Variants in EYA2 observed in about 807,000 individuals in gnomAD.
EYA2 encodes protein phosphatase EYA2.
Under a neutral mutation model 69.2 loss-of-function variants are expected in EYA2, and 31 were observed. The ratio of observed to expected loss-of-function variants is 0.45; its 90% CI spans 0.34 to 0.60. The LOEUF (loss-of-function observed/expected upper bound fraction) is 0.60. Ranked by LOEUF, EYA2 falls within the 20% of genes least tolerant of loss-of-function variation. The probability of loss-of-function intolerance (pLI) is 0.02; values close to 1 mark genes in which losing one functional copy is unlikely to be tolerated. For missense variants in EYA2, 622 were observed against 701.2 expected (o/e 0.89, Z 1.28); for synonymous variants, 257 against 279.4 (o/e 0.92, Z 0.80).
chr20:47,147,908 A>G (rs2033735572), intron 10 of EYA2, among the ~76,000 whole-genome samples: 1 of 151,868 alleles, frequency 6.6e-6, no homozygotes, highest in Admixed American at 6.6e-5. Context: ...AAAATACAAA[A>G]ATTAGCCAGG....
intron 1 of EYA2, among the ~76,000 whole-genome samples, chr20:46,934,282 T>A (rs1985807523): frequency 6.6e-6 from 1 of 152,124 alleles, no homozygotes; most frequent in South Asian, 2.1e-4. Context: ...ATAGTCTCTC[T>A]CTCTCACCCC....
chr20:46,952,255 G>T (rs1290156201), intron 1 of EYA2, among the ~76,000 whole-genome samples: 1 of 152,062 alleles, frequency 6.6e-6, no homozygotes, highest in East Asian at 1.9e-4. Flanking sequence ...GAGCATGCTT[G>T]GTGGGGGATG....
chr20:46,911,109 A>G lies in EYA2; in HGVS notation c.-11+16122A>G, dbSNP rs534726189. Among the ~76,000 whole-genome samples, 4 of 152,340 alleles carry G rather than the reference A, an allele frequency of 2.6e-5. No homozygotes were observed. The East Asian group carries it at 7.7e-4, about 29-fold the overall frequency. On this transcript the variant is annotated intron_variant, in intron 1 of 15. Coordinates refer to ENST00000327619, the MANE Select transcript of EYA2 (RefSeq NM_005244.5). Reference sequence around the variant, plus strand: ...TTCCTATATCTAGATCTCCATTAGAAGTATGAAAATGAAGTGTAAACCAAG... The same window carrying G: ...TTCCTATATCTAGATCTCCATTAGAGGTATGAAAATGAAGTGTAAACCAAG...
chr20:47,182,895 C>T (rs146665369), intron 14 of EYA2, among the ~76,000 whole-genome samples: 1 of 152,096 alleles, frequency 6.6e-6, no homozygotes, highest in South Asian at 2.1e-4. Flanking sequence ...CGAGATGGCA[C>T]CACTGCACTC....
chr20:47,063,728 A>G (rs765092473), intron 5 of EYA2, among the ~76,000 whole-genome samples: 7 of 152,272 alleles, frequency 4.6e-5, no homozygotes, highest in Non-Finnish European at 1.0e-4. Flanking sequence ...CCAAGTCTTC[A>G]TTTACTTAAG....
At chr20:46,941,051 G>A (rs986501934) in intron 1 of EYA2, among the ~76,000 whole-genome samples, 14 of 152,250 alleles carry the variant, frequency 9.2e-5, no homozygotes, top group Admixed American at 5.2e-4. Flanking sequence ...CATCTTCCCA[G>A]AGCCCGAGCC....
chr20:47,186,495 G>A (rs1025679161), intron 15 of EYA2, among the ~76,000 whole-genome samples: 1 of 151,766 alleles, frequency 6.6e-6, no homozygotes, highest in Non-Finnish European at 1.5e-5. Context: ...AAGTAGCTGG[G>A]ATTACAGGTG....
chr20:47,169,135 A>T lies in EYA2; in HGVS notation c.979-4A>T, dbSNP rs773580250. 6.2e-7 allele frequency: 1 copy of T among 1,613,576 alleles called. No homozygotes were observed. The highest frequency in any genetic ancestry group is 2.2e-5 in the East Asian group (1 of 44,872). Reference sequence around the variant, plus strand: ...TCTCTCTCTCTCTGTCAAATTTTCCATAGGATTGTGACCAGATCCACGTTG... The same window carrying T: ...TCTCTCTCTCTCTGTCAAATTTTCCTTAGGATTGTGACCAGATCCACGTTG... On this transcript the variant is annotated splice_polypyrimidine_tract_variant and splice_region_variant and intron_variant, in intron 10 of 15. Transcript: ENST00000327619.
At chr20:46,933,672 C>T (rs1307818806) in intron 1 of EYA2, among the ~76,000 whole-genome samples, 2 of 152,164 alleles carry the variant, frequency 1.3e-5, no homozygotes, top group Non-Finnish European at 2.9e-5. Flanking sequence ...CGAGGGAGGC[C>T]GATGAGAAAT....
chr20:47,164,084 C>T (rs1051623605), intron 10 of EYA2, among the ~76,000 whole-genome samples: 4 of 152,150 alleles, frequency 2.6e-5, no homozygotes, highest in African/African-American at 9.7e-5. Flanking sequence ...CAAGTCTCCC[C>T]TCTGACTTAC....
chr20:47,185,128 C>G (rs563909883), intron 15 of EYA2, among the ~76,000 whole-genome samples: 1 of 152,094 alleles, frequency 6.6e-6, no homozygotes, highest in Non-Finnish European at 1.5e-5. Flanking sequence ...TTGTTAATAT[C>G]TCCATTTTAG....
intron 9 of EYA2, among the ~76,000 whole-genome samples, chr20:47,114,989 A>C (rs1263818983): frequency 6.6e-6 from 1 of 152,240 alleles, no homozygotes. Flanking sequence ...CAGCCTGCAG[A>C]ACTGTGAGCC....
chr20:47,153,749 G>T (rs564804354), intron 10 of EYA2, among the ~76,000 whole-genome samples: 137 of 152,068 alleles, frequency 9.0e-4, no homozygotes, highest in Middle Eastern at 3.4e-3. Flanking sequence ...GCTGTATCCG[G>T]GTGAGTGCCA....
intron 10 of EYA2, chr20:47,161,847 G>A (rs994051116): frequency 2.0e-5 from 3 of 153,252 alleles, no homozygotes; most frequent in Non-Finnish European, 4.4e-5. Flanking sequence ...TCTGAAAGGA[G>A]ATGGGTCCGG....
At chr20:46,977,791 C>G (rs189702941) in intron 1 of EYA2, among the ~76,000 whole-genome samples, 135 of 152,288 alleles carry the variant, frequency 8.9e-4, no homozygotes, top group Non-Finnish European at 1.8e-3. Flanking sequence ...CCCACAACTT[C>G]TATTCAATGA....
At chr20:47,035,620 TAGTC>T (rs1211420101) in intron 5 of EYA2, among the ~76,000 whole-genome samples, 2 of 152,144 alleles carry the variant, frequency 1.3e-5, no homozygotes, top group Non-Finnish European at 2.9e-5. Context: ...TGTATCCTAA[TAGTC>T]AGTGTTTGTC....
chr20:47,072,330 C>A, intron 6 of EYA2, 78 bp downstream of exon 6: 2 of 1,351,748 alleles, frequency 1.5e-6, no homozygotes, highest in South Asian at 1.2e-5. Flanking sequence ...CCCAGAGAGC[C>A]CACGACACAC....
intron 5 of EYA2, among the ~76,000 whole-genome samples, chr20:47,055,640 C>T (rs753287525): frequency 6.6e-6 from 1 of 152,198 alleles, no homozygotes; most frequent in Non-Finnish European, 1.5e-5. Flanking sequence ...ATCCTTACCC[C>T]TCAGGGTCTT....
chr20:47,031,657 C>A (rs6066172), intron 5 of EYA2, among the ~76,000 whole-genome samples: 99,180 of 152,096 alleles, frequency 0.65, 35,226 homozygotes, highest in Non-Finnish European at 0.8. Context: ...GCTTTGATGA[C>A]GTTGCTTTTG....
Sources: allele counts gnomAD v4.1 joint callset (sites outside exome capture counted in the v4.1 genomes callset), GRCh38; gene constraint gnomAD v4.1.1; transcripts MANE v1.5; gene names NCBI Gene and HGNC (gene_info 2026-07-23, HGNC 2026-07-21).